UBE3C: variants seen among roughly 807,000 people sequenced by gnomAD.
The protein encoded by UBE3C is ubiquitin-protein ligase E3C.
Under a neutral mutation model 129.4 loss-of-function variants are expected in UBE3C, and 42 were observed. That is an observed-to-expected ratio of 0.32 (90% CI 0.25 to 0.42). UBE3C has a LOEUF of 0.42. UBE3C is among the 10% of genes least tolerant of loss of function. The pLI is 1.00. For synonymous variants in UBE3C, 510 were observed against 492.4 expected (o/e 1.04, Z -0.47); for missense variants, 1,049 against 1,319.1 (o/e 0.80, Z 3.17).
chr7:157,248,309 C>T, intron 18 of UBE3C, 59 bp from the exon 19 acceptor site: 1 of 1,495,602 alleles, frequency 6.7e-7, no homozygotes, highest in Non-Finnish European at 9.2e-7. Context: ...GCATATGGCT[C>T]TTTGTTTGTA....
intron 18 of UBE3C, among the ~76,000 whole-genome samples, chr7:157,232,709 G>A (rs2116641034): frequency 6.6e-6 from 1 of 152,288 alleles, no homozygotes; most frequent in East Asian, 1.9e-4. Flanking sequence ...ATTAATTTCT[G>A]TAAGAATCAG....
At chr7:157,214,098 T>C (rs766186724) in intron 13 of UBE3C, among the ~76,000 whole-genome samples, 2 of 152,150 alleles carry the variant, frequency 1.3e-5, no homozygotes, top group East Asian at 3.8e-4. Flanking sequence ...TCCTCCTCCT[T>C]TCTCCCCATC....
At chr7:157,213,809 T>C (rs908574045) in intron 13 of UBE3C, among the ~76,000 whole-genome samples, 1 of 152,212 alleles carries the variant, frequency 6.6e-6, no homozygotes, top group African/African-American at 2.4e-5. Flanking sequence ...ATGCCATATT[T>C]AGCAAATAAA....
chr7:157,175,131 T>C, intron 5 of UBE3C, 97 bp downstream of exon 5: 1 of 671,720 alleles, frequency 1.5e-6, no homozygotes, highest in Non-Finnish European at 2.1e-6. Flanking sequence ...CAGTGGCTTT[T>C]CCATACTTTT....
At chr7:157,201,076 C>A (rs996736252) in intron 10 of UBE3C, among the ~76,000 whole-genome samples, 1 of 152,034 alleles carries the variant, frequency 6.6e-6, no homozygotes, top group Non-Finnish European at 1.5e-5. Context: ...GTAATCCCAG[C>A]ACTTTGGGAT....
rs376171052 is a variant in UBE3C, at chr7:157,225,393, T to G, written c.2101-14T>G. 4 of 1,590,636 alleles carry G rather than the reference T, an allele frequency of 2.5e-6. No homozygotes were observed. The African/African-American group carries it at 5.5e-5, about 22-fold the overall frequency. On this transcript the variant is annotated splice_polypyrimidine_tract_variant and intron_variant, in intron 16 of 22. Transcript: ENST00000348165. ...TTTGTTTCTAATAACCTTACAGCTT[T>G]CCTTGTTTGTTAGATCTTTCAGAGG...
chr7:157,191,560 A>C (rs1256483934), intron 10 of UBE3C, among the ~76,000 whole-genome samples: 5 of 152,190 alleles, frequency 3.3e-5, no homozygotes, highest in African/African-American at 1.2e-4. Flanking sequence ...AGCCTCCCAG[A>C]GTGCTGGGAT....
chr7:157,140,225 T>A (rs1807402571), intron 1 of UBE3C, among the ~76,000 whole-genome samples: 1 of 151,812 alleles, frequency 6.6e-6, no homozygotes, highest in African/African-American at 2.4e-5. Context: ...CTAGTTTTTC[T>A]TGTCTATCAG....
chr7:157,166,867 A>G (rs1808228941), intron 2 of UBE3C, among the ~76,000 whole-genome samples: 1 of 151,664 alleles, frequency 6.6e-6, no homozygotes, highest in Non-Finnish European at 1.5e-5. Context: ...TGTTTCCAGC[A>G]TCCTTACATT....
At chr7:157,169,582 A>G (rs1299367303) in intron 3 of UBE3C, among the ~76,000 whole-genome samples, 1 of 151,934 alleles carries the variant, frequency 6.6e-6, no homozygotes, top group African/African-American at 2.4e-5. Context: ...TGCCACGTTG[A>G]CCAGGCTGGT....
rs558836790 is a variant in UBE3C at position 157,195,444 on chromosome 7, A to C, written c.1332-6277A>C. Among the ~76,000 whole-genome samples, 22 of 152,338 alleles carry C rather than the reference A, an allele frequency of 1.4e-4. No individual in the cohort carries two copies. In the South Asian group the frequency reaches 4.6e-3, roughly 32 times the overall value. ...ATTGAGACAGTCACAAGCCCAGAGA[A>C]CTGAGCAGTGAGCTGAAGATTACTC... On this transcript the variant is annotated intron_variant, in intron 10 of 22. Transcript: ENST00000348165.
intron 10 of UBE3C, chr7:157,192,376 T>G: frequency 1.5e-6 from 1 of 668,242 alleles, no homozygotes; most frequent in Non-Finnish European, 2.8e-6. Context: ...AAATGCAGAT[T>G]TCCATAAAAA....
chr7:157,139,244 G>C lies in UBE3C; in HGVS notation c.-29G>C. 6.8e-7 allele frequency: 1 copy of C among 1,475,696 alleles called. No individual in the cohort carries two copies. Among genetic ancestry groups the C allele is most frequent in the Non-Finnish European group, 9.0e-7 (1 of 1,111,856 alleles). The allele number at this position is 1,475,696 out of a possible 1,614,324, so 91.4% of individuals were successfully genotyped here. A position where few individuals can be genotyped will look rare whatever the true frequency, so the allele number is the denominator to read the frequency against. Reference sequence around the variant, plus strand: ...CCCGCCCGGCTGCTTCCGCGGCGGCGCTGCCCGCACATGGGCTAGGCTGCC... The same window carrying C: ...CCCGCCCGGCTGCTTCCGCGGCGGCCCTGCCCGCACATGGGCTAGGCTGCC... On this transcript the variant is annotated 5_prime_UTR_variant, in exon 1 of 23. Transcript: ENST00000348165.
intron 21 of UBE3C, among the ~76,000 whole-genome samples, chr7:157,255,904 T>C (rs552583633): frequency 2.6e-5 from 4 of 152,266 alleles, no homozygotes; most frequent in African/African-American, 9.6e-5. Flanking sequence ...GAAGGAAAGA[T>C]GATAAAATTA....
chr7:157,173,203 C>T (rs1808425488), intron 4 of UBE3C, among the ~76,000 whole-genome samples: 1 of 152,108 alleles, frequency 6.6e-6, no homozygotes, highest in Admixed American at 6.6e-5. Context: ...CCAGACCCCA[C>T]CTGTAAAACA....
chr7:157,164,871 A>G lies in UBE3C; in HGVS notation c.120+1008A>G, dbSNP rs571337425. Among the ~76,000 whole-genome samples, 13 of 152,310 alleles carry G rather than the reference A, an allele frequency of 8.5e-5. No homozygotes were observed. The East Asian group carries it at 1.9e-3, about 23-fold the overall frequency. On this transcript the variant is annotated intron_variant, in intron 2 of 22. Transcript: ENST00000348165. ...AATGTGATTACAGCTGGAAGGGCCTATATTAGAGATGGTGTTTAGGGGAAG... is the reference window on the plus strand; with the variant it reads ...AATGTGATTACAGCTGGAAGGGCCTGTATTAGAGATGGTGTTTAGGGGAAG...
chr7:157,197,801 A>T (rs1204946857), intron 10 of UBE3C: 1 of 1,613,110 alleles, frequency 6.2e-7, no homozygotes, highest in African/African-American at 1.3e-5. Flanking sequence ...AACGACTCCC[A>T]TCTGCTAACC....
At chr7:157,164,288 C>G in intron 2 of UBE3C, 1 of 453,122 alleles carries the variant, frequency 2.2e-6, no homozygotes, top group South Asian at 1.6e-5. Flanking sequence ...CCTCCTGTAG[C>G]TGGGACTACA....
At chr7:157,186,689 C>G in intron 9 of UBE3C, 145 bp from the exon 10 acceptor site, 2 of 865,158 alleles carry the variant, frequency 2.3e-6, no homozygotes, top group South Asian at 3.8e-5. Context: ...GGATTTCACA[C>G]TAAGTGTACT....
Sources: gnomAD v4.1 joint callset for allele counts (sites outside exome capture counted in the v4.1 genomes callset) on GRCh38, gnomAD v4.1.1 for gene constraint, MANE v1.5 for transcripts, NCBI Gene and HGNC (gene_info 2026-07-23, HGNC 2026-07-21) for gene names.